The following KANK3 variants were observed in gnomAD, a reference collection of about 807,000 sequenced individuals.
KANK3 encodes the protein KN motif and ankyrin repeat domain-containing protein 3.
Under a neutral mutation model 65.4 loss-of-function variants are expected in KANK3, and 61 were observed. That is an observed-to-expected ratio of 0.93 (90% CI 0.76 to 1.15). The LOEUF (loss-of-function observed/expected upper bound fraction) is 1.15. Among genes scored for constraint, KANK3 ranks in the 50% most tolerant of loss-of-function variants. KANK3 has a pLI of 0.00. For synonymous variants in KANK3, 586 were observed against 543.3 expected (o/e 1.08, Z -1.09); for missense variants, 1,187 against 1,178.8 (o/e 1.01, Z -0.10).
intron 7 of KANK3, among the ~76,000 whole-genome samples, chr19:8,329,492 C>CAAAAAAAAAAAAAAA (rs59607185): frequency 3.9e-5 from 2 of 51,106 alleles, no homozygotes; most frequent in African/African-American, 7.3e-5. Context: ...GACTCGGCCT[C>CAAAAAAAAAAAAAAA]AAAAAAAAAA....
rs1970570251 is a variant in KANK3 at position 8,333,654 on chromosome 19, C to G, written c.1719+70G>C. The G allele has an allele frequency of 6.2e-6, 8 of 1,286,236 alleles. No individual in the cohort carries two copies. The highest frequency in any genetic ancestry group is 8.2e-6 in the Non-Finnish European group (8 of 971,374). 79.7% of individuals were successfully genotyped at this position (1,286,236 alleles called of 1,614,324 possible). A position where few individuals can be genotyped will look rare whatever the true frequency, so the allele number is the denominator to read the frequency against. On this transcript the variant is annotated intron_variant, in intron 6 of 10. Transcript: ENST00000330915. The surrounding 1 kb of genome is among the most constrained non-coding windows in gnomAD (Gnocchi z 5.0). Reference sequence around the variant, plus strand: ...AAGGGATGGAACCCGGTGTGCTCCCCTAAGTGGGCGTCAGAGGTCCTTGGA... The same window carrying G: ...AAGGGATGGAACCCGGTGTGCTCCCGTAAGTGGGCGTCAGAGGTCCTTGGA...
Position 8,335,040 on chromosome 19 carries a change from C to G in KANK3, c.787G>C (p.Ala263Pro). ...CTGTCAGCCCGGGGGCTGGCCCTGGCACGGCCGCCGCGCTCGGAGGTGGCC... is the reference window on the plus strand; with the variant it reads ...CTGTCAGCCCGGGGGCTGGCCCTGGGACGGCCGCCGCGCTCGGAGGTGGCC... ...RLATSERGGR[A>P]RASPRADSPD... Residue 263 changes from alanine to proline, a missense_variant, in exon 3 of 11, where the codon GCC (alanine) becomes CCC (proline). Physicochemically the swap from Ala to Pro is conservative, Grantham distance 27 (BLOSUM62 -1). Around this residue, in one of 3 missense-constraint regions of KANK3, gnomAD observed 1,078 missense variants for 1,038.2 expected, o/e 1.04. Transcript: ENST00000330915. 7.3e-7 allele frequency: 1 copy of G among 1,378,356 alleles called. No homozygotes were observed. Among genetic ancestry groups the G allele is most frequent in the South Asian group, 1.6e-5 (1 of 60,714 alleles). The allele number at this position is 1,378,356 out of a possible 1,614,324, so 85.4% of individuals were successfully genotyped here. A position where few individuals can be genotyped will look rare whatever the true frequency, so the allele number is the denominator to read the frequency against.
intron 7 of KANK3, among the ~76,000 whole-genome samples, chr19:8,330,382 G>A (rs1170349960): frequency 9.2e-5 from 14 of 152,144 alleles, no homozygotes; most frequent in Non-Finnish European, 1.5e-5. Flanking sequence ...ATCACTTGAG[G>A]TCAGGAGTTC....
At chr19:8,336,508 G>T (rs1409483127) in intron 2 of KANK3, among the ~76,000 whole-genome samples, 1 of 151,844 alleles carries the variant, frequency 6.6e-6, no homozygotes, top group Non-Finnish European at 1.5e-5. Context: ...AGGCCGAGGC[G>T]GGTGGATCGC....
At chr19:8,336,750 AAAAAAAG>A (rs976638026) in intron 2 of KANK3, among the ~76,000 whole-genome samples, 1 of 151,088 alleles carries the variant, frequency 6.6e-6, no homozygotes, top group African/African-American at 2.4e-5. Flanking sequence ...AAAAAAAAAA[AAAAAAAG>A]GTTGGCGAGG....
chr19:8,324,496 C>T lies in KANK3; in HGVS notation c.2335G>A (p.Ala779Thr). 2.5e-6 allele frequency: 4 copies of T among 1,612,900 alleles called. No homozygotes were observed. Among genetic ancestry groups the T allele is most frequent in the Non-Finnish European group, 3.4e-6 (4 of 1,179,486 alleles). The change falls in exon 10 of 11, where the codon GCC (alanine) becomes ACC (threonine). Residue 779 changes from alanine to threonine, a missense_variant. This residue lies in a region of KANK3 where 1,078 missense variants were observed against 1,038.2 expected (regional missense o/e 1.04). Transcript: ENST00000330915. ...IALEAEQDEV[A>T]ALLHAHLSSG... ...CTCAGGTGGGCATGTAGCAGAGCGGCCACCTCATCCTGCTCAGCCTCCAGG... is the reference window on the plus strand; with the variant it reads ...CTCAGGTGGGCATGTAGCAGAGCGGTCACCTCATCCTGCTCAGCCTCCAGG...
chr19:8,338,602 G>A (rs1970680228), intron 1 of KANK3, among the ~76,000 whole-genome samples: 2 of 152,114 alleles, frequency 1.3e-5, no homozygotes, highest in South Asian at 2.1e-4. Context: ...TAGGCTGGGC[G>A]CGGTGGCTCA....
intron 2 of KANK3, among the ~76,000 whole-genome samples, chr19:8,336,424 A>G (rs1345778055): frequency 6.1e-5 from 7 of 114,598 alleles, no homozygotes; most frequent in African/African-American, 2.6e-4. Flanking sequence ...GCGACAGAAG[A>G]GAACCTCTCA....
In KANK3 at chr19:8,335,183, C is replaced by T; in HGVS notation, c.644G>A (p.Arg215His). Reference protein sequence around the residue: ...RTLPELQEQVRALRAEKARLL... With the variant: ...RTLPELQEQVHALRAEKARLL... ...CCGCGCCTTCTCGGCGCGCAGCGCG[C>T]GCACCTGCTCCTGCAGCTCGGGCAG... The change falls in exon 3 of 11, where the codon CGC (arginine) becomes CAC (histidine). Residue 215 changes from arginine (R) to histidine (H), a missense_variant. Around this residue, in one of 3 missense-constraint regions of KANK3, gnomAD observed 1,078 missense variants for 1,038.2 expected, o/e 1.04. Coordinates refer to ENST00000330915, the MANE Select transcript of KANK3 (RefSeq NM_198471.3). The T allele has an allele frequency of 8.2e-7, 1 of 1,213,776 alleles. No homozygotes were observed. The highest frequency in any genetic ancestry group is 1.0e-6 in the Non-Finnish European group (1 of 977,110). 75.2% of individuals were successfully genotyped at this position (1,213,776 alleles called of 1,614,324 possible). A position where few individuals can be genotyped will look rare whatever the true frequency, so the allele number is the denominator to read the frequency against.
At chr19:8,328,387 CCACACACACACACA>C (rs55963090) in intron 7 of KANK3, among the ~76,000 whole-genome samples, 23,221 of 145,088 alleles carry the variant, frequency 0.16, 2,135 homozygotes, top group Non-Finnish European at 0.21. Context: ...ACCACCCCCA[CCACACACACACACA>C]CACACACACA....
intron 2 of KANK3, among the ~76,000 whole-genome samples, chr19:8,336,980 C>A (rs941129526): frequency 2.6e-5 from 4 of 151,928 alleles, no homozygotes; most frequent in Non-Finnish European, 5.9e-5. Flanking sequence ...CCTGGGGTGG[C>A]AGGGGGTATA....
chr19:8,335,395 C>A lies in KANK3; in HGVS notation c.432G>T (p.Ala144=). The change falls in exon 3 of 11, where the codon GCG becomes GCT. Residue 144 remains alanine, a synonymous_variant. Transcript: ENST00000330915. ...GGCTGGGCGCGCGCTCGTGTGTCTG[C>A]GCCAGCTCCAGCCGCCGGCTGGTCT... ...LRETSRRLEL[A]QTHERAPSPG... The A allele has an allele frequency of 2.5e-6, 3 of 1,201,508 alleles. No individual in the cohort carries two copies. The highest frequency in any genetic ancestry group is 3.1e-6 in the Non-Finnish European group (3 of 968,562). 74.4% of individuals were successfully genotyped at this position (1,201,508 alleles called of 1,614,324 possible).
chr19:8,343,143 G>C (rs1302357609), intron 1 of KANK3, 82 bp downstream of exon 1: 1 of 152,238 alleles, frequency 6.6e-6, no homozygotes, highest in African/African-American at 2.4e-5. Flanking sequence ...TGGAAACGCA[G>C]CGCAGCGCCG....
intron 7 of KANK3, among the ~76,000 whole-genome samples, chr19:8,330,395 G>A (rs1970502538): frequency 6.6e-6 from 1 of 152,158 alleles, no homozygotes; most frequent in African/African-American, 2.4e-5. Flanking sequence ...AGGAGTTCAA[G>A]ACCAGCCTGG....
At chr19:8,329,027 C>T (rs1282412357) in intron 7 of KANK3, among the ~76,000 whole-genome samples, 1 of 151,242 alleles carries the variant, frequency 6.6e-6, no homozygotes, top group East Asian at 1.9e-4. Flanking sequence ...AAAAATTAGC[C>T]GGGCGTGGTG....
At chr19:8,337,042 C>CCT (rs1970652203) in intron 2 of KANK3, among the ~76,000 whole-genome samples, 1 of 150,604 alleles carries the variant, frequency 6.6e-6, no homozygotes, top group African/African-American at 2.4e-5. Flanking sequence ...TTGTTTTTTT[C>CCT]TTTTTTTTGA....
In KANK3 at chr19:8,333,615, A is replaced by T; in HGVS notation, c.1719+109T>A. On this transcript the variant is annotated intron_variant, in intron 6 of 10. Transcript: ENST00000330915. The surrounding 1 kb of genome is among the most constrained non-coding windows in gnomAD (Gnocchi z 5.0). ...CCTTCGGAGAGCCTGGGGTCAGGCG[A>T]GGTGCCTGGCGGGAAGGGATGGAAC... 1.2e-6 allele frequency: 1 copy of T among 853,712 alleles called. No homozygotes were observed. The highest frequency in any genetic ancestry group is 1.7e-6 in the Non-Finnish European group (1 of 582,410). The allele number at this position is 853,712 out of a possible 1,614,324, so 52.9% of individuals were successfully genotyped here.
In KANK3 at chr19:8,335,314, A is replaced by G; in HGVS notation, c.513T>C (p.Pro171=). 1 of 1,198,666 alleles carries G rather than the reference A, an allele frequency of 8.3e-7. No individual in the cohort carries two copies. The highest frequency in any genetic ancestry group is 3.6e-5 in the East Asian group (1 of 27,962). The allele number at this position is 1,198,666 out of a possible 1,614,324, so 74.3% of individuals were successfully genotyped here. A position where few individuals can be genotyped will look rare whatever the true frequency, so the allele number is the denominator to read the frequency against. The change falls in exon 3 of 11, where the codon CCT becomes CCC. Residue 171 remains proline, a synonymous_variant. Transcript: ENST00000330915. ...GGCCGGGCGAAGCAGGGGCAAGGTTAGGGGCGGGGCTGCTGCGGCCGGACC... is the reference window on the plus strand; with the variant it reads ...GGCCGGGCGAAGCAGGGGCAAGGTTGGGGGCGGGGCTGCTGCGGCCGGACC... ...PRGSGRSSPA[P]NLAPASPGPA... is the part of the protein sequence containing the mutation.
At chr19:8,325,449 A>G (rs1478671752) in intron 7 of KANK3, among the ~76,000 whole-genome samples, 1 of 150,336 alleles carries the variant, frequency 6.7e-6, no homozygotes, top group African/African-American at 2.4e-5. Context: ...TTTTTGTATT[A>G]TTTAGTAGAG....
Sources: gnomAD v4.1 joint callset for allele counts (sites outside exome capture counted in the v4.1 genomes callset) on GRCh38, gnomAD v4.1.1 for gene constraint, gnomAD v4.1.1 regional missense constraint, Gnocchi (gnomAD v3.1) non-coding constraint, MANE v1.5 for transcripts, NCBI Gene and HGNC (gene_info 2026-07-23, HGNC 2026-07-21) for gene names.